The following SMYD3 variants were observed in gnomAD, a reference collection of about 807,000 sequenced individuals.
The protein encoded by SMYD3 is SET and MYND domain containing 3.
A neutral mutation model predicts 57.7 loss-of-function variants in SMYD3; 36 were observed. The ratio of observed to expected loss-of-function variants is 0.62; its 90% confidence interval spans 0.48 to 0.82. SMYD3 has a LOEUF of 0.82. SMYD3 is among the 40% of genes least tolerant of loss of function. The pLI is 0.00. For synonymous variants in SMYD3, 211 were observed against 195.0 expected, an observed-to-expected ratio of 1.08 and a Z score of -0.68; for missense variants, 515 against 538.8, an observed-to-expected ratio of 0.96 and a Z score of 0.44.
chr1:246,357,227 C>T (rs1337919789), intron 1 of SMYD3, among the ~76,000 whole-genome samples: 1 of 152,114 alleles, frequency 6.6e-6, no homozygotes, highest in Non-Finnish European at 1.5e-5. Flanking sequence ...GAAGTCGGCA[C>T]ACAATACAGG....
intron 10 of SMYD3, among the ~76,000 whole-genome samples, chr1:245,786,214 G>GT (rs374970293): frequency 7.3e-5 from 5 of 68,724 alleles, no homozygotes; most frequent in African/African-American, 2.1e-4. Context: ...GGGTGTGGAC[G>GT]GGGGGGGGAT....
intron 5 of SMYD3, among the ~76,000 whole-genome samples, chr1:246,050,146 T>C (rs976390096): frequency 8.5e-5 from 13 of 152,232 alleles, no homozygotes; most frequent in Non-Finnish European, 1.6e-4. Context: ...AGAGGTTCCA[T>C]ATAGGCCTTA....
At chr1:245,932,935 A>G (rs1320611865) in intron 5 of SMYD3, among the ~76,000 whole-genome samples, 1 of 152,034 alleles carries the variant, frequency 6.6e-6, no homozygotes, top group Non-Finnish European at 1.5e-5. Context: ...TTTTTTGCCT[A>G]CTCTCACTTT....
At chr1:246,356,935 T>A (rs2065918944) in intron 1 of SMYD3, among the ~76,000 whole-genome samples, 1 of 151,888 alleles carries the variant, frequency 6.6e-6, no homozygotes, top group Non-Finnish European at 1.5e-5. Context: ...AAATACAAGC[T>A]CAAAGAACAC....
At chr1:245,804,195 G>A (rs1228343036) in intron 10 of SMYD3, among the ~76,000 whole-genome samples, 1 of 152,104 alleles carries the variant, frequency 6.6e-6, no homozygotes, top group Non-Finnish European at 1.5e-5. Flanking sequence ...ACAGGCGTGA[G>A]GCACCGCGCC....
At chr1:245,813,988 T>C (rs2048646581) in intron 10 of SMYD3, among the ~76,000 whole-genome samples, 2 of 151,746 alleles carry the variant, frequency 1.3e-5, no homozygotes, top group Admixed American at 1.3e-4. Flanking sequence ...TTGTTTCACC[T>C]TTTCCGTATA....
Position 246,072,725 on chromosome 1 carries a change from C to T in SMYD3, c.532-142788G>A, listed in dbSNP as rs111907084. 3.2e-4 allele frequency among the ~76,000 whole-genome samples: 48 copies of T among 151,568 alleles called. 1 individual carries two copies. Among genetic ancestry groups the T allele is most frequent in the African/African-American group, 1.0e-3 (43 of 41,288 alleles). ...GGTGGAGATCTGCCTAAAATGTTGGCGGGCACCATCCAATCAGCCTTGGGT... is the reference window on the plus strand; with the variant it reads ...GGTGGAGATCTGCCTAAAATGTTGGTGGGCACCATCCAATCAGCCTTGGGT... On this transcript the variant is annotated intron_variant, in intron 5 of 11. Coordinates refer to ENST00000490107, the MANE Select transcript of SMYD3 (RefSeq NM_001167740.2).
chr1:245,820,633 T>C (rs1175930376), intron 10 of SMYD3, among the ~76,000 whole-genome samples: 3 of 152,304 alleles, frequency 2.0e-5, no homozygotes, highest in Non-Finnish European at 4.4e-5. Flanking sequence ...CATGATTGTA[T>C]ATCTAGAAAA....
At chr1:246,368,259 G>A (rs184399660) in intron 1 of SMYD3, among the ~76,000 whole-genome samples, 1 of 152,146 alleles carries the variant, frequency 6.6e-6, no homozygotes, top group Non-Finnish European at 1.5e-5. Context: ...TCAACTATGG[G>A]GGTACTATCT....
chr1:246,001,245 G>A (rs1031770952), intron 5 of SMYD3, among the ~76,000 whole-genome samples: 2 of 152,202 alleles, frequency 1.3e-5, no homozygotes, highest in Non-Finnish European at 2.9e-5. Context: ...CTCGGAAAGT[G>A]TTGCTTCTGA....
Position 246,503,025 on chromosome 1 carries a change from T to C in SMYD3, c.164+4029A>G, listed in dbSNP as rs946964275. On this transcript the variant is annotated intron_variant, in intron 1 of 11. Transcript: ENST00000490107. ...TGGCCTATCACTAACCTGCATAACA[T>C]CTCCTCTCAAGATTCCACATAAGGA... 2.0e-5 allele frequency among the ~76,000 whole-genome samples: 3 copies of C among 152,212 alleles called. No individual in the cohort carries two copies. The East Asian group carries it at 5.8e-4, about 29-fold the overall frequency.
intron 5 of SMYD3, among the ~76,000 whole-genome samples, chr1:246,074,496 T>TA (rs1051155935): frequency 1.3e-5 from 2 of 152,202 alleles, no homozygotes. Flanking sequence ...ATTCGACATT[T>TA]AAAAAAACTA....
chr1:246,438,732 G>A (rs1050136151), intron 1 of SMYD3, among the ~76,000 whole-genome samples: 4 of 151,872 alleles, frequency 2.6e-5, no homozygotes, highest in Admixed American at 6.6e-5. Context: ...ATGCTGGGGC[G>A]GGGGGCGGAG....
At chr1:245,773,132 C>A (rs1324577661) in intron 10 of SMYD3, among the ~76,000 whole-genome samples, 3 of 145,598 alleles carry the variant, frequency 2.1e-5, no homozygotes, top group African/African-American at 2.5e-5. Flanking sequence ...TCAAAATGGT[C>A]ATTTTCCACA....
At chr1:246,137,932 G>A (rs888939415) in intron 5 of SMYD3, among the ~76,000 whole-genome samples, 1 of 152,046 alleles carries the variant, frequency 6.6e-6, no homozygotes, top group African/African-American at 2.4e-5. Context: ...ATTCCTCTCA[G>A]AGATTATTAC....
At chr1:246,451,071 T>C (rs1376757676) in intron 1 of SMYD3, among the ~76,000 whole-genome samples, 1 of 152,216 alleles carries the variant, frequency 6.6e-6, no homozygotes, top group East Asian at 1.9e-4. Context: ...TGCCTGCCGG[T>C]CCTGGAAATT....
chr1:246,217,271 C>CAAAGAATTTCT (rs1456823639), intron 5 of SMYD3, among the ~76,000 whole-genome samples: 1 of 152,056 alleles, frequency 6.6e-6, no homozygotes, highest in African/African-American at 2.4e-5. Context: ...ATCCAGGCCT[C>CAAAGAATTTCT]AAAGAATTTC....
Position 246,259,922 on chromosome 1 carries a change from G to T in SMYD3, c.531+67279C>A, listed in dbSNP as rs1326579258. 3.3e-5 allele frequency among the ~76,000 whole-genome samples: 5 copies of T among 152,210 alleles called. No homozygotes were observed. The East Asian group carries it at 7.7e-4, about 23-fold the overall frequency. The stretch of plus-strand genomic sequence containing the variant: ...TCAACTTCTCTACACAGGAATGGGG[G>T]ATGCCCTAAACTCCAAATCCAGAAG... On this transcript the variant is annotated intron_variant, in intron 5 of 11. Coordinates refer to ENST00000490107, the MANE Select transcript of SMYD3 (RefSeq NM_001167740.2).
At chr1:245,992,295 G>A (rs12143605) in intron 5 of SMYD3, among the ~76,000 whole-genome samples, 71,894 of 143,444 alleles carry the variant, frequency 0.5, 21,847 homozygotes, top group Non-Finnish European at 0.68. Context: ...CCTCAGAAAC[G>A]GCCTGCCGTC....
Sources: allele counts gnomAD v4.1 joint callset (sites outside exome capture counted in the v4.1 genomes callset), GRCh38; gene constraint gnomAD v4.1.1; transcripts MANE v1.5; gene names NCBI Gene and HGNC (gene_info 2026-07-23, HGNC 2026-07-21).